The following MTREX variants were observed in gnomAD, a reference collection of about 807,000 sequenced individuals.
MTREX encodes Mtr4 exosome RNA helicase, also known as exosome RNA helicase MTR4.
A neutral mutation model predicts 135.4 loss-of-function variants in MTREX; 76 were observed. The observed-to-expected ratio is 0.56, with a 90% CI of 0.47 to 0.68. The LOEUF is 0.68. MTREX is among the 30% of genes least tolerant of loss of function. MTREX has a pLI of 0.00. For missense variants in MTREX, 920 were observed against 1,262.1 expected, an observed-to-expected ratio of 0.73 and a Z score of 4.11; for synonymous variants, 404 against 401.6, an observed-to-expected ratio of 1.01 and a Z score of -0.07.
chr5:55,370,026 T>G (rs1449692456), intron 16 of MTREX, among the ~76,000 whole-genome samples: 3 of 151,874 alleles, frequency 2.0e-5, no homozygotes, highest in Admixed American at 1.3e-4. Context: ...CAGGTTCAAG[T>G]GATTCTCCTG....
intron 4 of MTREX, among the ~76,000 whole-genome samples, chr5:55,328,326 T>C (rs945223873): frequency 1.3e-5 from 2 of 152,148 alleles, no homozygotes; most frequent in African/African-American, 4.8e-5. Flanking sequence ...TTCCTACCTA[T>C]GAAAGGAAAT....
At chr5:55,360,431 C>G (rs978951507) in intron 15 of MTREX, among the ~76,000 whole-genome samples, 7 of 148,974 alleles carry the variant, frequency 4.7e-5, no homozygotes, top group Non-Finnish European at 8.9e-5. Context: ...CAAGTCTTTA[C>G]TTGAATATGT....
intron 1 of MTREX, among the ~76,000 whole-genome samples, chr5:55,319,749 A>G (rs1749258221): frequency 2.0e-5 from 3 of 152,212 alleles, no homozygotes. Flanking sequence ...GCTATGAGAG[A>G]AATAAATAAT....
At chr5:55,317,694 TATC>T (rs1408183219) in intron 1 of MTREX, among the ~76,000 whole-genome samples, 1 of 152,140 alleles carries the variant, frequency 6.6e-6, no homozygotes, top group African/African-American at 2.4e-5. Context: ...AACTAGGCAG[TATC>T]ATCCTGGACC....
intron 21 of MTREX, among the ~76,000 whole-genome samples, chr5:55,403,813 A>G (rs1750759302): frequency 6.6e-6 from 1 of 152,248 alleles, no homozygotes; most frequent in East Asian, 1.9e-4. Context: ...AAGAGCTTGC[A>G]TCTAGGGTCT....
chr5:55,334,229 A>G (rs995069263), intron 5 of MTREX, among the ~76,000 whole-genome samples: 4 of 152,078 alleles, frequency 2.6e-5, no homozygotes, highest in Non-Finnish European at 5.9e-5. Context: ...GGTGATGAAA[A>G]TACTAGAATT....
intron 16 of MTREX, among the ~76,000 whole-genome samples, chr5:55,369,782 CT>C (rs1189404824): frequency 6.6e-6 from 1 of 152,220 alleles, no homozygotes; most frequent in Non-Finnish European, 1.5e-5. Context: ...ACCCTTGGAA[CT>C]AAATAATTAC....
At chr5:55,396,122 T>G (rs1750641961) in intron 19 of MTREX, among the ~76,000 whole-genome samples, 1 of 152,232 alleles carries the variant, frequency 6.6e-6, no homozygotes, top group African/African-American at 2.4e-5. Flanking sequence ...ATGTGGGATT[T>G]ATTTCATTCT....
intron 9 of MTREX, 131 bp downstream of exon 9, chr5:55,344,751 A>G (rs185522331): frequency 2.8e-4 from 163 of 591,202 alleles, no homozygotes; most frequent in African/African-American, 2.1e-3. Context: ...GTTTTAATCA[A>G]TCGATCTTGA....
chr5:55,371,420 C>A (rs2112091068), intron 16 of MTREX, among the ~76,000 whole-genome samples: 1 of 152,186 alleles, frequency 6.6e-6, no homozygotes, highest in Non-Finnish European at 1.5e-5. Flanking sequence ...TATGTTTTTG[C>A]AACCACCATC....
chr5:55,366,955 G>T, intron 16 of MTREX, 80 bp downstream of exon 16: 1 of 1,232,600 alleles, frequency 8.1e-7, no homozygotes, highest in Non-Finnish European at 1.1e-6. Context: ...GGCTGCTTTG[G>T]CTTTTGTTTT....
chr5:55,344,425 C>T, intron 8 of MTREX, 97 bp from the exon 9 acceptor site: 1 of 760,578 alleles, frequency 1.3e-6, no homozygotes, highest in Non-Finnish European at 2.2e-6. Context: ...ATGTTGAATT[C>T]ATTACTTGAT....
At chr5:55,415,696 T>A (rs1311866978) in intron 24 of MTREX, among the ~76,000 whole-genome samples, 1 of 152,150 alleles carries the variant, frequency 6.6e-6, no homozygotes, top group African/African-American at 2.4e-5. Context: ...TAATGAAGAG[T>A]TCTGTTTCTT....
At chr5:55,389,627 G>A (rs1750532953) in intron 19 of MTREX, among the ~76,000 whole-genome samples, 2 of 152,096 alleles carry the variant, frequency 1.3e-5, no homozygotes, top group African/African-American at 2.4e-5. Context: ...AGGAAGTAGT[G>A]AGATTTTAAC....
intron 7 of MTREX, among the ~76,000 whole-genome samples, chr5:55,342,225 GACA>G (rs1749661094): frequency 1.3e-5 from 2 of 152,072 alleles, no homozygotes; most frequent in South Asian, 4.1e-4. Context: ...TTAAATAGTG[GACA>G]ACATGATATT....
chr5:55,413,827 A>G (rs1400720950), intron 23 of MTREX, among the ~76,000 whole-genome samples: 1 of 152,214 alleles, frequency 6.6e-6, no homozygotes, highest in Non-Finnish European at 1.5e-5. Context: ...TCAAAGTTAA[A>G]CTATGATAAA....
At chr5:55,339,519 A>G (rs912952534) in intron 5 of MTREX, among the ~76,000 whole-genome samples, 1 of 152,264 alleles carries the variant, frequency 6.6e-6, no homozygotes, top group Admixed American at 6.5e-5. Flanking sequence ...TAGCTATGAA[A>G]GAAATTTTCC....
intron 5 of MTREX, among the ~76,000 whole-genome samples, chr5:55,330,555 T>TC (rs1749459772): frequency 6.6e-6 from 1 of 150,852 alleles, no homozygotes; most frequent in Non-Finnish European, 1.5e-5. Flanking sequence ...TCCTTGTTAC[T>TC]ACTTCGTTTA....
intron 25 of MTREX, among the ~76,000 whole-genome samples, chr5:55,420,644 A>G (rs1285268509): frequency 6.6e-6 from 1 of 152,228 alleles, no homozygotes; most frequent in Admixed American, 6.5e-5. Flanking sequence ...CACTTATATG[A>G]AATGTCCAGA....
Sources: gnomAD v4.1 joint callset for allele counts (sites outside exome capture counted in the v4.1 genomes callset) on GRCh38, gnomAD v4.1.1 for gene constraint, MANE v1.5 for transcripts, NCBI Gene and HGNC (gene_info 2026-07-23, HGNC 2026-07-21) for gene names.